Variants in KAZN observed in about 807,000 individuals in gnomAD.
KAZN encodes the protein kazrin.
In KAZN, 40 loss-of-function variants were observed where a neutral mutation model predicts 87.4. The observed-to-expected ratio is 0.46, with a 90% CI of 0.36 to 0.60. The LOEUF is 0.60. KAZN is among the 20% of genes least tolerant of loss of function. The pLI is 0.00. For missense variants in KAZN, 898 were observed against 1,073.9 expected (o/e 0.84, Z 2.29); for synonymous variants, 466 against 458.3 (o/e 1.02, Z -0.22).
At chr1:13,952,979 A>C (rs1219018944) in intron 1 of KAZN, among the ~76,000 whole-genome samples, 1 of 152,178 alleles carries the variant, frequency 6.6e-6, no homozygotes, top group Non-Finnish European at 1.5e-5. Flanking sequence ...ATCATAAAAG[A>C]TATTCGAACA....
intron 1 of KAZN, among the ~76,000 whole-genome samples, chr1:14,058,460 A>T (rs1160526828): frequency 6.6e-6 from 1 of 152,142 alleles, no homozygotes; most frequent in Non-Finnish European, 1.5e-5. Context: ...GAAGAAAAAA[A>T]CCCCTTAGAT....
At chr1:14,755,821 T>G (rs1189909791) in intron 1 of KAZN, among the ~76,000 whole-genome samples, 1 of 152,092 alleles carries the variant, frequency 6.6e-6, no homozygotes, top group East Asian at 1.9e-4. Context: ...GAGTGAACAT[T>G]CCGGGGAATT....
At chr1:14,766,147 G>A (rs917812067) in intron 1 of KAZN, among the ~76,000 whole-genome samples, 1 of 152,176 alleles carries the variant, frequency 6.6e-6, no homozygotes, top group Admixed American at 6.5e-5. Flanking sequence ...GCCACCGTGG[G>A]CAACTGGAGC....
At chr1:14,151,028 T>A (rs72643148) in intron 1 of KAZN, among the ~76,000 whole-genome samples, 36,406 of 152,108 alleles carry the variant, frequency 0.24, 4,735 homozygotes, top group South Asian at 0.35. Context: ...ACCTACATTA[T>A]AAAACTATGT....
At chr1:14,388,494 G>C (rs962431717) in intron 2 of KAZN, among the ~76,000 whole-genome samples, 1 of 152,098 alleles carries the variant, frequency 6.6e-6, no homozygotes. Flanking sequence ...TACAGTACTG[G>C]CATAAAAATA....
At chr1:14,990,154 A>T (rs531723211) in intron 2 of KAZN, among the ~76,000 whole-genome samples, 2 of 152,276 alleles carry the variant, frequency 1.3e-5, no homozygotes, top group South Asian at 4.1e-4. Context: ...GTCCAAAGGG[A>T]AGGGATCAGC....
intron 1 of KAZN, among the ~76,000 whole-genome samples, chr1:14,616,527 G>A (rs1396065870): frequency 1.3e-5 from 2 of 151,836 alleles, no homozygotes; most frequent in Admixed American, 6.6e-5. Flanking sequence ...TAATTTTCTT[G>A]GAGTTTGTGC....
intron 2 of KAZN, among the ~76,000 whole-genome samples, chr1:14,433,031 T>C (rs968067159): frequency 2.6e-5 from 4 of 151,860 alleles, no homozygotes; most frequent in African/African-American, 9.7e-5. Context: ...CACACACAAA[T>C]TATTCAGTCT....
At position 13,922,514 on chromosome 1, in the gene KAZN, T is replaced by G. The variant is rs576358064; in HGVS notation, c.91+28758T>G. Among the ~76,000 whole-genome samples the G allele has an allele frequency of 6.6e-5, 10 of 152,324 alleles. No individual in the cohort carries two copies. In the South Asian group the frequency reaches 8.3e-4, roughly 13 times the overall value. ...CATCTGGCTTCCTAGGAGAAGGGTTTATTTGGGGCTCCTTTTTCAGCACCA... is the reference window on the plus strand; with the variant it reads ...CATCTGGCTTCCTAGGAGAAGGGTTGATTTGGGGCTCCTTTTTCAGCACCA... On this transcript the variant is annotated intron_variant, in intron 1 of 16. Coordinates refer to the KAZN transcript ENST00000636203.
intron 2 of KAZN, among the ~76,000 whole-genome samples, chr1:14,188,866 T>C (rs989146452): frequency 1.3e-5 from 2 of 152,160 alleles, no homozygotes; most frequent in African/African-American, 4.8e-5. Context: ...TTATTTAGTA[T>C]CTTTTTAAGG....
At chr1:14,716,078 C>T (rs1486751714) in intron 1 of KAZN, among the ~76,000 whole-genome samples, 5 of 152,186 alleles carry the variant, frequency 3.3e-5, no homozygotes, top group Non-Finnish European at 1.5e-5. Context: ...CTCTCAGGTT[C>T]ATTCAAGTGG....
intron 2 of KAZN, among the ~76,000 whole-genome samples, chr1:14,408,661 T>A (rs1264120110): frequency 6.6e-6 from 1 of 152,138 alleles, no homozygotes; most frequent in Non-Finnish European, 1.5e-5. Context: ...GATCAAGGCC[T>A]CACCTGTATT....
intron 2 of KAZN, among the ~76,000 whole-genome samples, chr1:14,515,760 C>T (rs1293919499): frequency 6.6e-6 from 1 of 152,124 alleles, no homozygotes; most frequent in African/African-American, 2.4e-5. Context: ...AGGGCTCTCC[C>T]TTCCACCACC....
At chr1:14,485,719 C>T (rs1669316134) in intron 2 of KAZN, among the ~76,000 whole-genome samples, 1 of 151,840 alleles carries the variant, frequency 6.6e-6, no homozygotes, top group South Asian at 2.1e-4. Context: ...ATGGTGAAAC[C>T]CTGTCTCCAC....
rs77052247 is a variant in KAZN at position 14,350,396 on chromosome 1, C to T, written c.249+169804C>T. 3.7e-3 allele frequency among the ~76,000 whole-genome samples: 560 copies of T among 152,288 alleles called. 4 individuals are homozygous for T. Among genetic ancestry groups the T allele is most frequent in the Middle Eastern group, 6.8e-3 (2 of 294 alleles). ...CACAGAATGAGATGCAGTGAGTGCT[C>T]GGCACAGAGCCTGGTTCCTCATTAT... is the stretch of plus-strand genomic sequence containing the variant. On this transcript the variant is annotated intron_variant, in intron 2 of 16. Coordinates refer to the KAZN transcript ENST00000636203.
chr1:14,283,046 AAAG>A (rs1249425010), intron 2 of KAZN, among the ~76,000 whole-genome samples: 2 of 152,216 alleles, frequency 1.3e-5, no homozygotes. Flanking sequence ...TTCGCAGAGC[AAAG>A]AAGGAGTCAG....
chr1:14,856,592 G>A lies in KAZN; in HGVS notation c.227-104092G>A, dbSNP rs1036268659. On this transcript the variant is annotated intron_variant, in intron 1 of 14. Coordinates refer to ENST00000376030, the MANE Select transcript of KAZN (RefSeq NM_201628.3). This position sits in a 1 kb window ranked among gnomAD's most constrained non-coding sequence, Gnocchi z 5.2. ...ACATTCCATATTTTATTTCTATTTT[G>A]GTAGCTCAACAATTCACTAAGTGTG... Among the ~76,000 whole-genome samples the A allele has an allele frequency of 3.9e-5, 6 of 152,008 alleles. No homozygotes were observed. The highest frequency in any genetic ancestry group is 1.2e-4 in the African/African-American group (5 of 41,364).
chr1:14,905,761 G>A (rs1025598759), intron 1 of KAZN, among the ~76,000 whole-genome samples: 2 of 148,648 alleles, frequency 1.3e-5, no homozygotes, highest in Non-Finnish European at 3.0e-5. Flanking sequence ...GGAGAATGGC[G>A]TGAACATGGG....
chr1:14,105,010 G>C (rs1644336460), intron 1 of KAZN, among the ~76,000 whole-genome samples: 1 of 152,130 alleles, frequency 6.6e-6, no homozygotes, highest in Admixed American at 6.5e-5. Context: ...CTTATCTGTG[G>C]AGGGTGGTCT....
Sources: gnomAD v4.1 joint callset for allele counts (sites outside exome capture counted in the v4.1 genomes callset) on GRCh38, gnomAD v4.1.1 for gene constraint, Gnocchi (gnomAD v3.1) non-coding constraint, MANE v1.5 for transcripts, NCBI Gene and HGNC (gene_info 2026-07-23, HGNC 2026-07-21) for gene names.